The following MCOLN3 variants were observed in gnomAD, a reference collection of about 807,000 sequenced individuals.
The protein encoded by MCOLN3 is mucolipin-3.
A neutral mutation model predicts 69.4 loss-of-function variants in MCOLN3; 62 were observed. The observed-to-expected ratio is 0.89, with a 90% CI of 0.73 to 1.10. MCOLN3 has a LOEUF of 1.10. Ranked by LOEUF, MCOLN3 falls within the 50% of genes least tolerant of loss-of-function variation. The probability of loss-of-function intolerance (pLI) is 0.00; values close to 1 mark genes in which losing one functional copy is unlikely to be tolerated. For synonymous variants in MCOLN3, 183 were observed against 217.0 expected, an observed-to-expected ratio of 0.84 and a Z score of 1.38; for missense variants, 564 against 656.4, an observed-to-expected ratio of 0.86 and a Z score of 1.54.
rs745588781 is a variant in MCOLN3 at position 85,022,394 on chromosome 1, T to C, written c.1102A>G (p.Thr368Ala). 18 of 1,598,494 alleles carry C rather than the reference T, an allele frequency of 1.1e-5. No homozygotes were observed. In the South Asian group the frequency reaches 1.9e-4, roughly 17 times the overall value. ...AGTATGCTACAGACATCATAACTAG[T>C]TAGACTCTAAGAGAGAGTGGAAAAA... Reference protein sequence around the residue: ...LKMEIQAKSLTSYDVCSILLG... With the variant: ...LKMEIQAKSLASYDVCSILLG... Residue 368 changes from threonine (T) to alanine (A), a missense_variant, in exon 10 of 13, where the codon ACT becomes GCT. Physicochemically the swap from Thr to Ala is moderately conservative, Grantham distance 58. Transcript: ENST00000370589.
At chr1:85,025,803 C>A in intron 9 of MCOLN3, 136 bp downstream of exon 9, 1 of 894,186 alleles carries the variant, frequency 1.1e-6, no homozygotes, top group Non-Finnish European at 1.7e-6. Flanking sequence ...AGAAAATTAC[C>A]ATTACCAATT....
intron 1 of MCOLN3, 42 bp from the exon 2 acceptor site, chr1:85,045,404 T>C: frequency 6.7e-7 from 1 of 1,486,894 alleles, no homozygotes. Context: ...AACATTTCCA[T>C]TTAGTGAGTA....
At chr1:85,034,001 C>G in intron 4 of MCOLN3, 97 bp downstream of exon 4, 1 of 1,326,524 alleles carries the variant, frequency 7.5e-7, no homozygotes, top group Non-Finnish European at 1.1e-6. Context: ...GTCCTAATAT[C>G]ACAGACCAAA....
At chr1:85,034,520 C>T (rs1652716561) in intron 3 of MCOLN3, among the ~76,000 whole-genome samples, 1 of 152,202 alleles carries the variant, frequency 6.6e-6, no homozygotes, top group African/African-American at 2.4e-5. Context: ...AAGCCACATA[C>T]TCTTTGCATT....
chr1:85,045,849 A>G (rs1653321809), intron 1 of MCOLN3, among the ~76,000 whole-genome samples: 1 of 152,210 alleles, frequency 6.6e-6, no homozygotes, highest in Non-Finnish European at 1.5e-5. Context: ...TAAAGATAGC[A>G]GGGTGTAGTG....
At chr1:85,035,748 G>A (rs1652769398) in intron 3 of MCOLN3, among the ~76,000 whole-genome samples, 2 of 152,068 alleles carry the variant, frequency 1.3e-5, no homozygotes, top group Non-Finnish European at 2.9e-5. Context: ...TTAAGCCTCT[G>A]CCTCTCCAAT....
At chr1:85,022,471 G>A (rs2039814) in intron 9 of MCOLN3, 71 bp from the exon 10 acceptor site, 2 of 1,069,916 alleles carry the variant, frequency 1.9e-6, no homozygotes, top group East Asian at 5.0e-5. Context: ...ATTGAGGTAA[G>A]TATGAGTAAG....
At position 85,041,055 on chromosome 1, in the gene MCOLN3, G is replaced by C; in HGVS notation, c.351C>G (p.Tyr117Ter). Residue 117 changes from tyrosine (Y) to a stop codon, truncating the protein, a stop_gained, in exon 3 of 13, where the codon TAC becomes TAG. Coordinates refer to ENST00000370589, the MANE Select transcript of MCOLN3 (RefSeq NM_018298.11). LOFTEE classifies it high-confidence loss of function. ...MDRMDDTYAVYTQSDVYDQLI... is the reference protein window; with the variant it reads ...MDRMDDTYAV ...ACTGATCATACACGTCACTTTGTGT[G>C]TACACTGCATATGTGTCATCCATTC... The C allele has an allele frequency of 6.2e-7, 1 of 1,613,928 alleles. No individual in the cohort carries two copies. The highest frequency in any genetic ancestry group is 8.5e-7 in the Non-Finnish European group (1 of 1,179,938).
chr1:85,020,710 C>T (rs889478386), intron 12 of MCOLN3, among the ~76,000 whole-genome samples: 5 of 152,150 alleles, frequency 3.3e-5, no homozygotes, highest in African/African-American at 9.7e-5. Context: ...TTTTTATGTT[C>T]CCCACAATAT....
chr1:85,032,887 G>A lies in MCOLN3; in HGVS notation c.620C>T (p.Thr207Ile). ...GTPAENKLNL[T>I]LDFHRLLTVE... Reference sequence around the variant, plus strand: ...CTCCCCTCACCTGTGGAAGTCCAGTGTTAAGTTCAGTTTATTTTCTGCTGG... The same window carrying A: ...CTCCCCTCACCTGTGGAAGTCCAGTATTAAGTTCAGTTTATTTTCTGCTGG... The change falls in exon 5 of 13, where the codon ACA becomes ATA. Residue 207 changes from threonine to isoleucine, a missense_variant. Coordinates refer to ENST00000370589, the MANE Select transcript of MCOLN3 (RefSeq NM_018298.11). The A allele has an allele frequency of 6.2e-7, 1 of 1,614,180 alleles. No individual in the cohort carries two copies.
At chr1:85,019,758 G>A (rs1162536449) in intron 12 of MCOLN3, among the ~76,000 whole-genome samples, 1 of 152,174 alleles carries the variant, frequency 6.6e-6, no homozygotes, top group Non-Finnish European at 1.5e-5. Flanking sequence ...GGACTCTCTC[G>A]AGTTGGCCCA....
intron 2 of MCOLN3, among the ~76,000 whole-genome samples, chr1:85,044,543 C>T (rs1000709629): frequency 6.6e-6 from 1 of 152,044 alleles, no homozygotes; most frequent in South Asian, 2.1e-4. Context: ...AATATGGTTC[C>T]CCCTTTCCCC....
chr1:85,027,177 C>T (rs1055757121), intron 7 of MCOLN3, among the ~76,000 whole-genome samples: 2 of 152,192 alleles, frequency 1.3e-5, no homozygotes, highest in South Asian at 4.2e-4. Flanking sequence ...TAGACAAGGC[C>T]CTTGATCTGT....
At chr1:85,021,767 A>C (rs999491853) in intron 11 of MCOLN3, among the ~76,000 whole-genome samples, 1 of 152,240 alleles carries the variant, frequency 6.6e-6, no homozygotes, top group African/African-American at 2.4e-5. Flanking sequence ...GAGAAGGCTT[A>C]TCTGAAGAGA....
intron 9 of MCOLN3, chr1:85,024,938 T>A (rs1426737062): frequency 6.6e-6 from 1 of 152,168 alleles, no homozygotes; most frequent in African/African-American, 2.4e-5. Flanking sequence ...CCCTCTGCAG[T>A]TAGGATTGAC....
chr1:85,042,020 T>C (rs1038951063), intron 2 of MCOLN3, among the ~76,000 whole-genome samples: 6 of 151,838 alleles, frequency 4.0e-5, no homozygotes, highest in Admixed American at 1.3e-4. Context: ...CCACATGCTG[T>C]ACATGCTGTA....
chr1:85,024,274 G>T (rs576381308), intron 9 of MCOLN3, among the ~76,000 whole-genome samples: 8 of 152,142 alleles, frequency 5.3e-5, no homozygotes, highest in Non-Finnish European at 2.9e-5. Context: ...AGGAATTAGG[G>T]TTGAGATATT....
rs375115537 is a variant in MCOLN3 at position 85,035,577 on chromosome 1, C to T, written c.397-1326G>A. Among the ~76,000 whole-genome samples the T allele has an allele frequency of 1.1e-4, 17 of 152,280 alleles. No individual in the cohort carries two copies. In the East Asian group the frequency reaches 3.3e-3, roughly 29 times the overall value. On this transcript the variant is annotated intron_variant, in intron 3 of 12. Transcript: ENST00000370589. ...GATCCTTTTGTCAATTCCTCTTATACTCCACTTCCAGTCCATCTGAAAGTC... is the reference window on the plus strand; with the variant it reads ...GATCCTTTTGTCAATTCCTCTTATATTCCACTTCCAGTCCATCTGAAAGTC...
At position 85,032,951 on chromosome 1, in the gene MCOLN3, AAC is replaced by A; in HGVS notation, c.554_555del (p.Cys185PhefsTer7). 1.2e-6 allele frequency: 2 copies of A among 1,613,932 alleles called. No homozygotes were observed. The highest frequency in any genetic ancestry group is 1.7e-6 in the Non-Finnish European group (2 of 1,180,018). ...AAAGGTTCATCTGGCTCCACAAAGA[AAC>A]ACTCTGCCATAGAAAGGAACAAAAA... is the stretch of plus-strand genomic sequence containing the variant. ...FDIDPEIETECFFVEPDEPFH... is the reference protein window; with the variant it reads ...FDIDPEIETEXFFVEPDEPFH... On this transcript the variant is annotated frameshift_variant, in exon 5 of 13. Transcript: ENST00000370589. LOFTEE classifies it high-confidence loss of function.
Sources: allele counts gnomAD v4.1 joint callset (sites outside exome capture counted in the v4.1 genomes callset), GRCh38; gene constraint gnomAD v4.1.1; transcripts MANE v1.5; gene names NCBI Gene and HGNC (gene_info 2026-07-23, HGNC 2026-07-21).